Variants in HORMAD2 observed in about 807,000 individuals in gnomAD.
HORMAD2 encodes the protein HORMA domain containing 2, also known as HORMA domain-containing protein 2.
HORMAD2 carries 45 observed loss-of-function variants against 38.8 expected under a neutral mutation model. The ratio of observed to expected loss-of-function variants is 1.16; its 90% CI spans 0.91 to 1.49. HORMAD2 has a LOEUF of 1.49. HORMAD2 is among the 40% of genes most tolerant of loss of function. HORMAD2 has a pLI of 0.00. For missense variants in HORMAD2, 338 were observed against 367.0 expected (o/e 0.92, Z 0.65); for synonymous variants, 126 against 122.8 (o/e 1.03, Z -0.17).
In HORMAD2 at chr22:30,167,942, T is replaced by C. The variant is rs1365257339; in HGVS notation, c.820-8121T>C. ...TTCTCTGAGCTTCAGTTTCTACATC[T>C]GTACAAGAGGAATAACCACTCCCCC... On this transcript the variant is annotated intron_variant, in intron 10 of 10. Transcript: ENST00000336726. 2.0e-5 allele frequency among the ~76,000 whole-genome samples: 3 copies of C among 152,170 alleles called. No individual in the cohort carries two copies. In the South Asian group the frequency reaches 6.2e-4, roughly 32 times the overall value.
chr22:30,091,630 G>A (rs146943023), intron 1 of HORMAD2, among the ~76,000 whole-genome samples: 11,847 of 152,090 alleles, frequency 0.078, 538 homozygotes, highest in African/African-American at 0.092. Flanking sequence ...TGGCTATTGT[G>A]AATAGTGCTG....
intron 10 of HORMAD2, among the ~76,000 whole-genome samples, chr22:30,146,059 G>A (rs1303821498): frequency 6.6e-6 from 1 of 152,186 alleles, no homozygotes; most frequent in African/African-American, 2.4e-5. Context: ...TCCCAGGAAT[G>A]CATGGTTGGT....
At chr22:30,151,268 T>C (rs968788710) in intron 10 of HORMAD2, among the ~76,000 whole-genome samples, 2 of 152,220 alleles carry the variant, frequency 1.3e-5, no homozygotes, top group East Asian at 1.9e-4. Context: ...AAGAAATGTC[T>C]TTTCCTGTCA....
At chr22:30,195,432 A>G in the HORMAD2 span, among the ~76,000 whole-genome samples, 1 of 152,134 alleles carries the variant, frequency 6.6e-6, no homozygotes, top group African/African-American at 2.4e-5. Context: ...TCTCTCAGAT[A>G]AGAAGGATTC....
chr22:30,110,233 T>A (rs1921523694), intron 5 of HORMAD2, among the ~76,000 whole-genome samples: 1 of 151,806 alleles, frequency 6.6e-6, no homozygotes, highest in African/African-American at 2.4e-5. Context: ...CCCCAAAATA[T>A]GTACAACTAT....
At chr22:30,094,165 C>G (rs2068741251) in intron 2 of HORMAD2, among the ~76,000 whole-genome samples, 162 bp downstream of exon 2, 1 of 152,046 alleles carries the variant, frequency 6.6e-6, no homozygotes, top group Non-Finnish European at 1.5e-5. Flanking sequence ...GCCTAATAGA[C>G]CAAGGACCAG....
At chr22:30,163,737 CTTTTATTTTTAT>C (rs944797273) in intron 10 of HORMAD2, among the ~76,000 whole-genome samples, 11 of 152,126 alleles carry the variant, frequency 7.2e-5, no homozygotes, top group Middle Eastern at 6.8e-3. Flanking sequence ...CATGTGCTGA[CTTTTATTTTTAT>C]TTTTATTTTT....
At chr22:30,203,909 C>T in the HORMAD2 span, among the ~76,000 whole-genome samples, 1 of 152,210 alleles carries the variant, frequency 6.6e-6, no homozygotes, top group African/African-American at 2.4e-5. Flanking sequence ...TACCCTCATA[C>T]ACAAGCACAC....
chr22:30,104,252 G>A (rs1013019703), intron 4 of HORMAD2, 149 bp from the exon 5 acceptor site: 1 of 683,372 alleles, frequency 1.5e-6, no homozygotes, highest in African/African-American at 1.8e-5. Flanking sequence ...AAAAGTTGCT[G>A]GAAGTTTAAA....
intron 10 of HORMAD2, among the ~76,000 whole-genome samples, chr22:30,155,957 C>G (rs1165434817): frequency 6.6e-6 from 1 of 152,158 alleles, no homozygotes; most frequent in Admixed American, 6.5e-5. Flanking sequence ...GCCTCCTCAC[C>G]CTGCTCAAGC....
At chr22:30,164,145 C>T (rs1337041193) in intron 10 of HORMAD2, among the ~76,000 whole-genome samples, 9 of 152,300 alleles carry the variant, frequency 5.9e-5, no homozygotes, top group African/African-American at 1.9e-4. Context: ...CCTTTTAAAG[C>T]TGAATAATAT....
In HORMAD2 at chr22:30,098,837, C is replaced by T; in HGVS notation, c.52-15C>T. ...AAATAATACTAATCTTTTTTCACCT[C>T]CGTTGTTTTTCCAGGAAACAGTTTT... On this transcript the variant is annotated splice_polypyrimidine_tract_variant and intron_variant, in intron 2 of 10. Transcript: ENST00000336726. 6.2e-7 allele frequency: 1 copy of T among 1,603,588 alleles called. No homozygotes were observed. Among genetic ancestry groups the T allele is most frequent in the Non-Finnish European group, 8.5e-7 (1 of 1,175,024 alleles).
Position 30,121,793 on chromosome 22 carries a change from G to T in HORMAD2, c.568+4G>T, listed in dbSNP as rs997265373. On this transcript the variant is annotated splice_donor_region_variant and intron_variant, in intron 9 of 10. Transcript: ENST00000336726. ...AAACTCCACTACTATAATGCAGGTAGGTAGAGAACTTTAGGCAAATTCCTC... is the reference window on the plus strand; with the variant it reads ...AAACTCCACTACTATAATGCAGGTATGTAGAGAACTTTAGGCAAATTCCTC... 11 of 1,601,416 alleles carry T rather than the reference G, an allele frequency of 6.9e-6. No homozygotes were observed. The highest frequency in any genetic ancestry group is 1.7e-4 in the Middle Eastern group (1 of 5,982).
intron 10 of HORMAD2, among the ~76,000 whole-genome samples, chr22:30,139,384 C>T (rs941741529): frequency 4.7e-5 from 7 of 148,120 alleles, no homozygotes; most frequent in African/African-American, 1.7e-4. Context: ...TTTCATCCTA[C>T]TAGTTCTGTT....
intron 1 of HORMAD2, among the ~76,000 whole-genome samples, chr22:30,087,986 C>CATAT (rs536048044): frequency 2.7e-5 from 4 of 150,676 alleles, no homozygotes; most frequent in Non-Finnish European, 5.9e-5. Context: ...TATATATATA[C>CATAT]ATATATATAT....
intron 7 of HORMAD2, among the ~76,000 whole-genome samples, chr22:30,116,712 TTATAAC>T (rs1425977669): frequency 1.3e-5 from 2 of 152,192 alleles, no homozygotes; most frequent in Non-Finnish European, 2.9e-5. Context: ...TGTAAAACAA[TTATAAC>T]TATAACTCTT....
intron 10 of HORMAD2, among the ~76,000 whole-genome samples, chr22:30,128,514 T>G (rs1923035525): frequency 6.6e-6 from 1 of 152,212 alleles, no homozygotes; most frequent in Non-Finnish European, 1.5e-5. Flanking sequence ...TTCTTGATTT[T>G]GCTATTATAA....
At chr22:30,123,789 G>A (rs746321291) in intron 10 of HORMAD2, among the ~76,000 whole-genome samples, 1 of 151,620 alleles carries the variant, frequency 6.6e-6, no homozygotes, top group Non-Finnish European at 1.5e-5. Context: ...TTTCAGCTCA[G>A]CCTCCAGTGT....
At chr22:30,138,880 T>C (rs1035008596) in intron 10 of HORMAD2, among the ~76,000 whole-genome samples, 2 of 152,192 alleles carry the variant, frequency 1.3e-5, no homozygotes, top group African/African-American at 4.8e-5. Context: ...ATGTGTCAAC[T>C]TGGAGGGTGC....
Sources: allele counts gnomAD v4.1 joint callset (sites outside exome capture counted in the v4.1 genomes callset), GRCh38; gene constraint gnomAD v4.1.1; transcripts MANE v1.5; gene names NCBI Gene and HGNC (gene_info 2026-07-23, HGNC 2026-07-21).